The following TMEM38A variants were observed in gnomAD, a reference collection of about 807,000 sequenced individuals.
TMEM38A encodes the protein trimeric intracellular cation channel type A.
In TMEM38A, 17 loss-of-function variants were observed where a neutral mutation model predicts 28.6. The observed-to-expected ratio is 0.60, with a 90% CI of 0.41 to 0.89. TMEM38A has a LOEUF of 0.89. TMEM38A is among the 40% of genes least tolerant of loss of function. TMEM38A has a pLI of 0.00. For missense variants in TMEM38A, 328 were observed against 393.1 expected (o/e 0.83, Z 1.40); for synonymous variants, 169 against 166.1 (o/e 1.02, Z -0.14).
intron 1 of TMEM38A, among the ~76,000 whole-genome samples, chr19:16,671,715 C>T (rs1470717375): frequency 6.6e-6 from 1 of 152,206 alleles, no homozygotes; most frequent in Non-Finnish European, 1.5e-5. Flanking sequence ...CGGGTGTGAG[C>T]CACCGCGCCC....
intron 4 of TMEM38A, among the ~76,000 whole-genome samples, chr19:16,686,025 T>C (rs1418914595): frequency 2.0e-5 from 3 of 152,122 alleles, no homozygotes; most frequent in African/African-American, 7.2e-5. Flanking sequence ...TAGCCAGGCA[T>C]GGTGGCATAT....
At chr19:16,679,833 C>G in intron 1 of TMEM38A, 151 bp from the exon 2 acceptor site, 1 of 738,434 alleles carries the variant, frequency 1.4e-6, no homozygotes, top group Non-Finnish European at 2.1e-6. Flanking sequence ...ATGCGTACAG[C>G]CTCTCTGAAC....
intron 4 of TMEM38A, among the ~76,000 whole-genome samples, chr19:16,684,290 A>G (rs2086792973): frequency 1.3e-5 from 2 of 151,624 alleles, no homozygotes; most frequent in Admixed American, 1.3e-4. Context: ...CCTGGGCAAC[A>G]TTACAACATC....
In TMEM38A at chr19:16,686,346, C is replaced by A. The variant is rs957101368; in HGVS notation, c.613C>A (p.Leu205Ile). 2 of 1,613,666 alleles carry A rather than the reference C, an allele frequency of 1.2e-6. No individual in the cohort carries two copies. The highest frequency in any genetic ancestry group is 1.3e-5 in the African/African-American group (1 of 74,924). Residue 205 changes from leucine to isoleucine, a missense_variant, in exon 5 of 6, where the codon CTC becomes ATC. Transcript: ENST00000187762. ...CTTCACCCTCCAGCAGACCCGCTGG[C>A]TCCCAGTGTCCAAAGCCAGCCTCAT... ...ILFTLQQTRW[L>I]PVSKASLIFI...
At chr19:16,683,045 C>T (rs1487058755) in intron 4 of TMEM38A, among the ~76,000 whole-genome samples, 1 of 152,142 alleles carries the variant, frequency 6.6e-6, no homozygotes, top group African/African-American at 2.4e-5. Context: ...ATGATCTCGG[C>T]TCACTGCAAC....
intron 1 of TMEM38A, among the ~76,000 whole-genome samples, chr19:16,672,025 T>C (rs775534895): frequency 6.6e-6 from 1 of 152,066 alleles, no homozygotes; most frequent in Non-Finnish European, 1.5e-5. Flanking sequence ...AAATAGACCC[T>C]AGGAGAGGAG....
rs1242433745 is a variant in TMEM38A, at chr19:16,671,548, G to T, written c.125-8436G>T. ...TTGACAGTGAAGCAAACTAAGGCTTGGGGGGGCAGGCAGTCACTTGCCCAA... is the reference window on the plus strand; with the variant it reads ...TTGACAGTGAAGCAAACTAAGGCTTTGGGGGGCAGGCAGTCACTTGCCCAA... On this transcript the variant is annotated intron_variant, in intron 1 of 5. Transcript: ENST00000187762. Among the ~76,000 whole-genome samples, 3 of 151,688 alleles carry T rather than the reference G, an allele frequency of 2.0e-5. No homozygotes were observed. In the East Asian group the frequency reaches 5.8e-4, roughly 29 times the overall value.
chr19:16,665,962 C>T (rs2086701358), intron 1 of TMEM38A, among the ~76,000 whole-genome samples: 1 of 151,836 alleles, frequency 6.6e-6, no homozygotes, highest in Non-Finnish European at 1.5e-5. Flanking sequence ...GCATCCACCA[C>T]CACACCCAGC....
chr19:16,674,003 T>C (rs1311408048), intron 1 of TMEM38A, among the ~76,000 whole-genome samples: 1 of 151,688 alleles, frequency 6.6e-6, no homozygotes, highest in Non-Finnish European at 1.5e-5. Context: ...CTTGGAAGGC[T>C]CAAGCCCAGG....
chr19:16,674,706 G>A (rs1418343727), intron 1 of TMEM38A, among the ~76,000 whole-genome samples: 1 of 152,030 alleles, frequency 6.6e-6, no homozygotes, highest in African/African-American at 2.4e-5. Context: ...GGCTGAGGCA[G>A]GAGGATTGCT....
chr19:16,685,200 G>T (rs1252896862), intron 4 of TMEM38A, among the ~76,000 whole-genome samples: 1 of 151,896 alleles, frequency 6.6e-6, no homozygotes, highest in Non-Finnish European at 1.5e-5. Flanking sequence ...CAGCCCGGCC[G>T]ACATGGCGAA....
At chr19:16,669,400 T>C (rs966309901) in intron 1 of TMEM38A, among the ~76,000 whole-genome samples, 1 of 151,500 alleles carries the variant, frequency 6.6e-6, no homozygotes, top group African/African-American at 2.4e-5. Flanking sequence ...AGAGACAGGG[T>C]TTCACCATGT....
chr19:16,677,167 T>C (rs1880082421), intron 1 of TMEM38A, among the ~76,000 whole-genome samples: 4 of 151,978 alleles, frequency 2.6e-5, no homozygotes, highest in Admixed American at 2.0e-4. Flanking sequence ...TTAAAATACT[T>C]CTTATCTTGG....
At chr19:16,665,674 G>A (rs1299951194) in intron 1 of TMEM38A, among the ~76,000 whole-genome samples, 1 of 152,142 alleles carries the variant, frequency 6.6e-6, no homozygotes, top group Non-Finnish European at 1.5e-5. Context: ...GATCTATTGA[G>A]AATTTTGTCA....
chr19:16,664,864 T>A (rs117048820), intron 1 of TMEM38A, among the ~76,000 whole-genome samples: 6,843 of 147,870 alleles, frequency 0.046, 203 homozygotes, highest in Non-Finnish European at 0.064. Context: ...CCTAAAAAAA[T>A]AATAATAATA....
At chr19:16,680,207 G>T in intron 2 of TMEM38A, 67 bp downstream of exon 2, 1 of 1,576,912 alleles carries the variant, frequency 6.3e-7, no homozygotes, top group South Asian at 1.1e-5. Flanking sequence ...CACCAGGGAG[G>T]AGAGAGGTTG....
At chr19:16,686,816 C>T (rs958605750) in intron 5 of TMEM38A, among the ~76,000 whole-genome samples, 2 of 152,164 alleles carry the variant, frequency 1.3e-5, no homozygotes, top group Non-Finnish European at 2.9e-5. Context: ...CTCTCTCCCT[C>T]TGCATGAAGA....
At chr19:16,673,966 G>A (rs749721376) in intron 1 of TMEM38A, among the ~76,000 whole-genome samples, 15 of 151,966 alleles carry the variant, frequency 9.9e-5, no homozygotes, top group Non-Finnish European at 1.6e-4. Context: ...GGCCAGGCAT[G>A]GTGGCACACG....
intron 4 of TMEM38A, among the ~76,000 whole-genome samples, chr19:16,684,993 G>A (rs1032648457): frequency 6.6e-6 from 1 of 151,624 alleles, no homozygotes; most frequent in Admixed American, 6.6e-5. Flanking sequence ...AAGTTACAGT[G>A]AGCCATGATC....
Sources: gnomAD v4.1 joint callset for allele counts (sites outside exome capture counted in the v4.1 genomes callset) on GRCh38, gnomAD v4.1.1 for gene constraint, MANE v1.5 for transcripts, NCBI Gene and HGNC (gene_info 2026-07-23, HGNC 2026-07-21) for gene names.